The following NCOA2 variants were observed in gnomAD, a reference collection of about 807,000 sequenced individuals.
The protein encoded by NCOA2 is class E basic helix-loop-helix protein 75.
NCOA2 carries 21 observed loss-of-function variants against 145.1 expected under a neutral mutation model. The observed-to-expected ratio is 0.14, with a 90% confidence interval of 0.10 to 0.21. The LOEUF is 0.21. NCOA2 is among the 10% of genes least tolerant of loss of function. The pLI, the probability that NCOA2 is intolerant of heterozygous loss-of-function variation, is 1.00. For missense variants in NCOA2, 1,472 were observed against 1,837.6 expected, an observed-to-expected ratio of 0.80 and a Z score of 3.64; for synonymous variants, 619 against 637.5, an observed-to-expected ratio of 0.97 and a Z score of 0.44.
intron 1 of NCOA2, among the ~76,000 whole-genome samples, chr8:70,297,018 T>G (rs1827139339): frequency 6.6e-6 from 1 of 152,232 alleles, no homozygotes; most frequent in South Asian, 2.1e-4. Context: ...TAATGTAAAA[T>G]ATATAAGGCT....
At chr8:70,124,928 T>C in intron 19 of NCOA2, 63 bp from the exon 20 acceptor site, 1 of 1,429,578 alleles carries the variant, frequency 7.0e-7, no homozygotes, top group Non-Finnish European at 9.4e-7. Flanking sequence ...TAGAGACTGG[T>C]GGGGGGGAAA....
chr8:70,123,654 C>T (rs1281074562), intron 21 of NCOA2: 1 of 368,186 alleles, frequency 2.7e-6, no homozygotes, highest in East Asian at 4.1e-5. Flanking sequence ...AAGAAAGTTA[C>T]AAAATATTTT....
chr8:70,436,867 G>C, the NCOA2 span, among the ~76,000 whole-genome samples: 22,797 of 152,230 alleles, frequency 0.15, 2,122 homozygotes, highest in African/African-American at 0.25. Flanking sequence ...GAAGCATAGA[G>C]GAGGGGAACA....
intron 2 of NCOA2, among the ~76,000 whole-genome samples, chr8:70,249,549 T>C (rs1448341664): frequency 6.6e-6 from 1 of 152,136 alleles, no homozygotes; most frequent in South Asian, 2.1e-4. Context: ...GAAGAGTCTA[T>C]GAATTATATG....
intron 1 of NCOA2, among the ~76,000 whole-genome samples, chr8:70,365,154 G>A (rs927048035): frequency 2.6e-5 from 4 of 151,958 alleles, no homozygotes; most frequent in East Asian, 1.9e-4. Flanking sequence ...GCAAAATGAC[G>A]AAACCCCATC....
intron 2 of NCOA2, among the ~76,000 whole-genome samples, chr8:70,250,590 T>C (rs956890058): frequency 2.0e-4 from 31 of 151,942 alleles, no homozygotes; most frequent in Admixed American, 2.0e-3. Flanking sequence ...AAAATGTTTA[T>C]ATAACTTCTG....
chr8:70,148,166 A>G (rs1811317411), intron 12 of NCOA2, 107 bp downstream of exon 12: 4 of 1,128,272 alleles, frequency 3.5e-6, no homozygotes, highest in Admixed American at 3.5e-5. Context: ...TTTGATCACA[A>G]AAACCTTAAA....
chr8:70,335,087 C>T (rs1419674792), intron 1 of NCOA2, among the ~76,000 whole-genome samples: 1 of 131,376 alleles, frequency 7.6e-6, no homozygotes, highest in Non-Finnish European at 1.6e-5. Context: ...TGTGCCACTG[C>T]ACTCCAGCCT....
intron 1 of NCOA2, among the ~76,000 whole-genome samples, chr8:70,318,059 C>T (rs1050786357): frequency 2.0e-5 from 3 of 152,160 alleles, no homozygotes; most frequent in African/African-American, 7.2e-5. Flanking sequence ...CACTTAGTTA[C>T]TACCTCACCA....
At chr8:70,435,211 G>T in the NCOA2 span, among the ~76,000 whole-genome samples, 1 of 151,236 alleles carries the variant, frequency 6.6e-6, no homozygotes, top group African/African-American at 2.4e-5. Context: ...GGATCACGAG[G>T]TCAGGAGATC....
intron 1 of NCOA2, among the ~76,000 whole-genome samples, chr8:70,305,428 A>C (rs1827813145): frequency 6.6e-6 from 1 of 152,204 alleles, no homozygotes; most frequent in Non-Finnish European, 1.5e-5. Flanking sequence ...TTAATTTTTT[A>C]AAATGCACAC....
chr8:70,243,698 G>A (rs971061137), intron 2 of NCOA2, among the ~76,000 whole-genome samples: 3 of 150,884 alleles, frequency 2.0e-5, no homozygotes, highest in Non-Finnish European at 4.4e-5. Context: ...GGCGGAAAAT[G>A]GTATGTAACC....
At chr8:70,394,420 G>T (rs1304748488) in intron 1 of NCOA2, among the ~76,000 whole-genome samples, 1 of 152,202 alleles carries the variant, frequency 6.6e-6, no homozygotes, top group Non-Finnish European at 1.5e-5. Context: ...CTCCCAAAGT[G>T]CTGGGATTAC....
intron 1 of NCOA2, among the ~76,000 whole-genome samples, chr8:70,317,876 G>A (rs969365289): frequency 1.3e-5 from 2 of 152,182 alleles, no homozygotes; most frequent in Middle Eastern, 3.4e-3. Flanking sequence ...AGTGAGCTAC[G>A]ATCATGTCAC....
chr8:70,132,757 C>T (rs1235622485), intron 15 of NCOA2, among the ~76,000 whole-genome samples: 2 of 152,038 alleles, frequency 1.3e-5, no homozygotes, highest in South Asian at 2.1e-4. Context: ...GTAGAGATGG[C>T]GTTTCGCCAT....
chr8:70,209,401 A>G (rs1166072790), intron 4 of NCOA2, among the ~76,000 whole-genome samples: 1 of 152,246 alleles, frequency 6.6e-6, no homozygotes, highest in Non-Finnish European at 1.5e-5. Flanking sequence ...AACTTAGTTG[A>G]TAAGGCAGGA....
rs1017286148 is a variant in NCOA2 at position 70,111,304 on chromosome 8, T to A, written c.*2328A>T. On this transcript the variant is annotated 3_prime_UTR_variant, in exon 23 of 23. Coordinates refer to ENST00000452400, the MANE Select transcript of NCOA2 (RefSeq NM_006540.4). ...GTTGTAGTGAAAAGGGACTTGAAAC[T>A]CAAAACAAAACAAATCCAGTTTAAA... The A allele has an allele frequency of 4.4e-6, 1 of 226,478 alleles. No individual in the cohort carries two copies. The highest frequency in any genetic ancestry group is 8.8e-6 in the Non-Finnish European group (1 of 113,858). 14.0% of individuals were successfully genotyped at this position (226,478 alleles called of 1,614,324 possible).
intron 1 of NCOA2, among the ~76,000 whole-genome samples, chr8:70,378,335 A>C (rs1027310761): frequency 2.6e-5 from 4 of 152,094 alleles, no homozygotes; most frequent in Non-Finnish European, 4.4e-5. Context: ...TATATACTAC[A>C]AAAAATATTT....
At chr8:70,147,110 T>TCGCGCG (rs71758835) in intron 12 of NCOA2, among the ~76,000 whole-genome samples, 25 of 149,564 alleles carry the variant, frequency 1.7e-4, no homozygotes, top group African/African-American at 5.9e-4. Context: ...TGCAAATCTT[T>TCGCGCG]CGCGCGCGCG....
Sources: allele counts gnomAD v4.1 joint callset (sites outside exome capture counted in the v4.1 genomes callset), GRCh38; gene constraint gnomAD v4.1.1; transcripts MANE v1.5; gene names NCBI Gene and HGNC (gene_info 2026-07-23, HGNC 2026-07-21).